The following SACS variants were observed in gnomAD, a reference collection of about 807,000 sequenced individuals.
SACS encodes sacsin.
In SACS, 197 loss-of-function variants were observed where a neutral mutation model predicts 348.0. The observed-to-expected ratio is 0.57, with a 90% confidence interval of 0.50 to 0.64. SACS has a LOEUF of 0.64. SACS is among the 30% of genes least tolerant of loss of function. The probability of loss-of-function intolerance (pLI) is 0.00; values close to 1 mark genes in which losing one functional copy is unlikely to be tolerated. For synonymous variants in SACS, 1,985 were observed against 1,910.6 expected, an observed-to-expected ratio of 1.04 and a Z score of -1.02; for missense variants, 4,999 against 5,360.8, an observed-to-expected ratio of 0.93 and a Z score of 2.11.
rs1386664277 is a variant in SACS, at chr13:23,353,020, G to GGACAAACCCAGAACTTTT, written c.2185+764_2185+765insAAAAGTTCTGGGTTTGTC. Among the ~76,000 whole-genome samples, 465 of 148,800 alleles carry GGACAAACCCAGAACTTTT rather than the reference G, an allele frequency of 3.1e-3. 3 individuals carry two copies. The highest frequency in any genetic ancestry group is 0.011 in the African/African-American group (438 of 38,318). On this transcript the variant is annotated intron_variant, in intron 9 of 9. Transcript: ENST00000382292. Reference sequence around the variant, plus strand: ...CAGAGTATGCTTGACAATGTGAACAGCAGGACAAACCCAGAACTTTTCAGG... The same window carrying GGACAAACCCAGAACTTTT: ...CAGAGTATGCTTGACAATGTGAACAGGACAAACCCAGAACTTTTCAGGACAAACCCAGAACTTTTCAGG...
chr13:23,370,966 T>C, intron 4 of SACS, 112 bp downstream of exon 4: 1 of 582,858 alleles, frequency 1.7e-6, no homozygotes, highest in Non-Finnish European at 3.1e-6. Context: ...CACTCCAGCC[T>C]GGGCGATAGG....
chr13:23,365,795 T>G (rs1742666536), intron 5 of SACS, among the ~76,000 whole-genome samples: 1 of 152,156 alleles, frequency 6.6e-6, no homozygotes, highest in South Asian at 2.1e-4. Flanking sequence ...GATATAAAAA[T>G]GTCTTTGTCC....
At chr13:23,385,150 A>AG (rs921440002) in intron 2 of SACS, among the ~76,000 whole-genome samples, 1 of 151,740 alleles carries the variant, frequency 6.6e-6, no homozygotes, top group Non-Finnish European at 1.5e-5. Flanking sequence ...TCAAAAAAAA[A>AG]AAAAAGTTTT....
At chr13:23,368,321 C>T (rs1411186845) in intron 5 of SACS, 81 bp downstream of exon 5, 3 of 1,022,112 alleles carry the variant, frequency 2.9e-6, no homozygotes, top group Non-Finnish European at 4.4e-6. Flanking sequence ...AAAATTTAAA[C>T]ACTAATAGGA....
chr13:23,363,589 C>T (rs1870878283), intron 6 of SACS, among the ~76,000 whole-genome samples: 2 of 152,256 alleles, frequency 1.3e-5, no homozygotes, highest in Non-Finnish European at 2.9e-5. Flanking sequence ...TGCATAAACT[C>T]GCAAAATAAT....
intron 2 of SACS, among the ~76,000 whole-genome samples, chr13:23,390,054 G>T (rs1872469710): frequency 6.6e-6 from 1 of 152,032 alleles, no homozygotes; most frequent in South Asian, 2.1e-4. Context: ...CTCTACAAGG[G>T]TTTAAAAGTT....
At chr13:23,357,128 AG>A (rs1483684241) in intron 7 of SACS, among the ~76,000 whole-genome samples, 5 of 152,204 alleles carry the variant, frequency 3.3e-5, no homozygotes, top group African/African-American at 1.2e-4. Context: ...ATTCTCAATG[AG>A]CAATCAAAAC....
rs1873476702 is a variant in SACS at position 23,411,414 on chromosome 13, A to C, written c.-175T>G. 2 of 657,638 alleles carry C rather than the reference A, an allele frequency of 3.0e-6. No individual in the cohort carries two copies. Among genetic ancestry groups the C allele is most frequent in the Non-Finnish European group, 2.7e-6 (1 of 365,018 alleles). 40.7% of individuals were successfully genotyped at this position (657,638 alleles called of 1,614,324 possible). On this transcript the variant is annotated 5_prime_UTR_variant, in exon 2 of 10. Coordinates refer to ENST00000382292, the MANE Select transcript of SACS (RefSeq NM_014363.6). ...TGTCCATTCATCATCTGATGTCAGG[A>C]AACATTGTCGTGTGTTGCATTTGTA...
At chr13:23,421,052 G>T (rs928643570) in intron 1 of SACS, among the ~76,000 whole-genome samples, 2 of 151,816 alleles carry the variant, frequency 1.3e-5, no homozygotes, top group African/African-American at 4.8e-5. Flanking sequence ...TAAAGTGTGG[G>T]TATCCACCTA....
At chr13:23,378,768 A>G (rs1223202345) in intron 2 of SACS, among the ~76,000 whole-genome samples, 1 of 152,144 alleles carries the variant, frequency 6.6e-6, no homozygotes, top group Non-Finnish European at 1.5e-5. Context: ...GAAAATATGG[A>G]AAGAGAGTGA....
chr13:23,391,836 C>T (rs2137898730), intron 2 of SACS, among the ~76,000 whole-genome samples: 1 of 145,454 alleles, frequency 6.9e-6, no homozygotes, highest in Admixed American at 6.9e-5. Flanking sequence ...GCCAGATTGG[C>T]AGGAAAGTAC....
chr13:23,396,338 AAG>A (rs1555258943), intron 2 of SACS, among the ~76,000 whole-genome samples: 7 of 151,718 alleles, frequency 4.6e-5, no homozygotes, highest in African/African-American at 1.7e-4. Flanking sequence ...AAAAAAAAAA[AAG>A]AACTTATATA....
Position 23,339,492 on chromosome 13 carries a change from C to G in SACS, c.4384G>C (p.Val1462Leu). 6.2e-7 allele frequency: 1 copy of G among 1,609,094 alleles called. No homozygotes were observed. The highest frequency in any genetic ancestry group is 8.5e-7 in the Non-Finnish European group (1 of 1,177,166). The change falls in exon 10 of 10, where the codon GTA becomes CTA. Residue 1462 changes from valine (V) to leucine (L), a missense_variant. Transcript: ENST00000382292. ...TCTTCCAGAATATTTTTAATTCTTA[C>G]AGTAAGTGGCTCTCTTTGTCCTGAC... is the stretch of plus-strand genomic sequence containing the variant. The part of the protein sequence containing the change: ...EQSGQREPLT[V>L]RIKNILEEYP...
chr13:23,355,341 A>G lies in SACS; in HGVS notation c.1271T>C (p.Met424Thr). 2 of 1,614,128 alleles carry G rather than the reference A, an allele frequency of 1.2e-6. No homozygotes were observed. Among genetic ancestry groups the G allele is most frequent in the Non-Finnish European group, 1.7e-6 (2 of 1,180,038 alleles). The change falls in exon 8 of 10, where the codon ATG becomes ACG. Residue 424 changes from methionine (M) to threonine (T), a missense_variant. Coordinates refer to ENST00000382292, the MANE Select transcript of SACS (RefSeq NM_014363.6). ...TTCATCATCTCTGCTTGATAAAGGC[A>G]TGGCTATTCCAATGATTGGGACAAA... is the stretch of plus-strand genomic sequence containing the variant. ...LKFVPIIGIA[M>T]PLSSRDDEAK...
Position 23,337,482 on chromosome 13 carries a change from G to A in SACS, c.6394C>T (p.Pro2132Ser), listed in dbSNP as rs1025254768. Residue 2132 changes from proline to serine, a missense_variant, in exon 10 of 10, where the codon CCT (proline) becomes TCT (serine). By Grantham distance (74) the Pro-to-Ser change is moderately conservative. Transcript: ENST00000382292. ...KLFDIKDGRF[P>S]YGSTQDYLNP... Reference sequence around the variant, plus strand: ...AGATAATCCTGAGTAGAACCATAAGGGAATCTCCCATCTTTAATATCAAAT... The same window carrying A: ...AGATAATCCTGAGTAGAACCATAAGAGAATCTCCCATCTTTAATATCAAAT... 1.1e-5 allele frequency: 18 copies of A among 1,613,548 alleles called. No homozygotes were observed. The highest frequency in any genetic ancestry group is 1.3e-5 in the African/African-American group (1 of 74,812).
rs1482333253 is a variant in SACS, at chr13:23,335,574, T to C, written c.8302A>G (p.Lys2768Glu). 2 of 1,613,736 alleles carry C rather than the reference T, an allele frequency of 1.2e-6. No individual in the cohort carries two copies. Among genetic ancestry groups the C allele is most frequent in the East Asian group, 2.2e-5 (1 of 44,884 alleles). Residue 2768 changes from lysine (K) to glutamate (E), a missense_variant, in exon 10 of 10, where the codon AAA (lysine) becomes GAA (glutamate). Lys to Glu is a moderately conservative substitution (Grantham distance 56). Around this residue, in one of 6 missense-constraint regions of SACS, gnomAD observed 3,156 missense variants for 3,380.1 expected, o/e 0.93. Coordinates refer to ENST00000382292, the MANE Select transcript of SACS (RefSeq NM_014363.6). The surrounding 1 kb of genome is among the most constrained non-coding windows in gnomAD (Gnocchi z 4.7). ...TTCAATCTGTCTCCATCTGTGATTT[T>C]GCCCTTTACTGAATACAGCACATTT... The part of the protein sequence containing the change: ...ALNVLYSVKG[K>E]ITDGDRLKRK...
chr13:23,422,833 G>A (rs2138000823), intron 1 of SACS, among the ~76,000 whole-genome samples: 1 of 152,152 alleles, frequency 6.6e-6, no homozygotes, highest in South Asian at 2.1e-4. Context: ...ACACATACTA[G>A]AAACATGTTT....
chr13:23,399,437 G>A lies in SACS; in HGVS notation c.20+11783C>T, dbSNP rs1376346376. Among the ~76,000 whole-genome samples the A allele has an allele frequency of 4.6e-5, 7 of 152,096 alleles. No individual in the cohort carries two copies. The East Asian group carries it at 7.7e-4, about 17-fold the overall frequency. On this transcript the variant is annotated intron_variant, in intron 2 of 9. Transcript: ENST00000382292. ...CATTCTGTAAACTGCCCCTCCCGCC[G>A]AAACTACCCTTCCCGCCTTTGCCGT...
Position 23,375,263 on chromosome 13 carries a change from G to C in SACS, c.27C>G (p.Val9=), listed in dbSNP as rs912218064. 2.7e-5 allele frequency: 40 copies of C among 1,472,450 alleles called. No homozygotes were observed. Among genetic ancestry groups the C allele is most frequent in the Non-Finnish European group, 3.5e-5 (39 of 1,108,312 alleles). The allele number at this position is 1,472,450 out of a possible 1,614,324, so 91.2% of individuals were successfully genotyped here. A position where few individuals can be genotyped will look rare whatever the true frequency, so the allele number is the denominator to read the frequency against. METKENRW[V]PVTVLPGCVG... ...CGCAGCCGGGGAGCACGGTCACCGG[G>C]ACCCACCTGTGGAAAGCAGAGGGAC... is the stretch of plus-strand genomic sequence containing the variant. The change falls in exon 3 of 10, where the codon GTC becomes GTG. Residue 9 remains valine, a synonymous_variant. Transcript: ENST00000382292.
Sources: allele counts gnomAD v4.1 joint callset (sites outside exome capture counted in the v4.1 genomes callset), GRCh38; gene constraint gnomAD v4.1.1; regional missense constraint gnomAD v4.1.1; non-coding constraint Gnocchi (gnomAD v3.1); transcripts MANE v1.5; gene names NCBI Gene and HGNC (gene_info 2026-07-23, HGNC 2026-07-21).